The following ADAM28 variants were observed in gnomAD, a reference collection of about 807,000 sequenced individuals.
ADAM28 encodes the protein disintegrin and metalloproteinase domain-containing protein 28.
A neutral mutation model predicts 101.2 loss-of-function variants in ADAM28; 105 were observed. The ratio of observed to expected loss-of-function variants is 1.04; its 90% CI spans 0.89 to 1.22. ADAM28 has a LOEUF of 1.22. ADAM28 is among the 50% of genes most tolerant of loss of function. ADAM28 has a pLI of 0.00. For synonymous variants in ADAM28, 322 were observed against 310.6 expected (o/e 1.04, Z -0.39); for missense variants, 1,028 against 945.4 (o/e 1.09, Z -1.15).
At chr8:24,295,895 G>C (rs555504037) in intron 1 of ADAM28, 1 of 152,270 alleles carries the variant, frequency 6.6e-6, no homozygotes, top group Non-Finnish European at 1.5e-5. Flanking sequence ...CTTCCTGTTT[G>C]TTCTCTGCCC....
chr8:24,325,342 C>T (rs543734643), intron 9 of ADAM28, among the ~76,000 whole-genome samples: 1 of 152,036 alleles, frequency 6.6e-6, no homozygotes, highest in East Asian at 1.9e-4. Context: ...AGTTGTTCTT[C>T]CAGTTATGCA....
At chr8:24,316,858 G>A (rs11994405) in intron 6 of ADAM28, among the ~76,000 whole-genome samples, 27,504 of 151,812 alleles carry the variant, frequency 0.18, 2,657 homozygotes, top group East Asian at 0.34. Flanking sequence ...TAACAAATAA[G>A]TTCAATAAAG....
chr8:24,308,688 C>G, intron 2 of ADAM28: 1 of 456,264 alleles, frequency 2.2e-6, no homozygotes. Context: ...CTCTACTTAT[C>G]TAGGCCCACA....
At chr8:24,343,048 T>G (rs1814977051) in intron 16 of ADAM28, 53 bp from the exon 17 acceptor site, 1 of 1,611,656 alleles carries the variant, frequency 6.2e-7, no homozygotes, top group African/African-American at 1.3e-5. Context: ...ACCTCAACTT[T>G]CTCATCTACG....
At chr8:24,346,328 C>A (rs542383303) in intron 18 of ADAM28, among the ~76,000 whole-genome samples, 2 of 152,118 alleles carry the variant, frequency 1.3e-5, no homozygotes, top group East Asian at 3.9e-4. Flanking sequence ...CCAAATACCC[C>A]ATGAGTATCA....
At chr8:24,296,600 A>G (rs1563257991) in intron 1 of ADAM28, among the ~76,000 whole-genome samples, 1 of 152,216 alleles carries the variant, frequency 6.6e-6, no homozygotes, top group African/African-American at 2.4e-5. Context: ...TGTCTCTCAT[A>G]TTAACGTTGT....
intron 18 of ADAM28, among the ~76,000 whole-genome samples, chr8:24,348,218 TA>T (rs1462942671): frequency 6.6e-6 from 1 of 152,140 alleles, no homozygotes; most frequent in African/African-American, 2.4e-5. Context: ...TTTGCTTTTT[TA>T]AAAAAATAAA....
chr8:24,318,339 A>G (rs1428447580), intron 6 of ADAM28, among the ~76,000 whole-genome samples: 1 of 151,732 alleles, frequency 6.6e-6, no homozygotes, highest in Non-Finnish European at 1.5e-5. Flanking sequence ...TCCTCATTTC[A>G]TTTCTGTCAC....
chr8:24,338,668 G>A (rs1814396207), intron 14 of ADAM28, among the ~76,000 whole-genome samples: 1 of 152,130 alleles, frequency 6.6e-6, no homozygotes, highest in African/African-American at 2.4e-5. Context: ...TATCTTCATA[G>A]GTGTTTATTT....
intron 7 of ADAM28, 23 bp downstream of exon 7, chr8:24,320,330 C>A: frequency 6.7e-7 from 1 of 1,496,700 alleles, no homozygotes; most frequent in Non-Finnish European, 9.2e-7. Flanking sequence ...GATAAATGTG[C>A]TGTCTTCCAA....
At chr8:24,294,230 T>C in intron 1 of ADAM28, 35 bp downstream of exon 1, 1 of 1,609,052 alleles carries the variant, frequency 6.2e-7, no homozygotes. Context: ...TTCTATTGAA[T>C]GCATTAGCGA....
rs370039701 is a variant in ADAM28 at position 24,309,971 on chromosome 8, G to A, written c.227+1G>A. 4 of 1,555,838 alleles carry A rather than the reference G, an allele frequency of 2.6e-6. No individual in the cohort carries two copies. On this transcript the variant is annotated splice_donor_variant, in intron 3 of 22. Coordinates refer to ENST00000265769, the MANE Select transcript of ADAM28 (RefSeq NM_014265.6). LOFTEE classifies it high-confidence loss of function. ...CAGTGCTTTATTTGAAAAAAAACAA[G>A]TAAGTATCTTTACCTGTGATATTAT... is the stretch of plus-strand genomic sequence containing the variant.
intron 10 of ADAM28, among the ~76,000 whole-genome samples, chr8:24,329,042 A>G (rs997780765): frequency 2.0e-5 from 3 of 152,088 alleles, no homozygotes; most frequent in Non-Finnish European, 4.4e-5. Context: ...GAAAGAAACC[A>G]TAAACTGAAA....
chr8:24,331,900 C>T (rs1268787772), intron 12 of ADAM28, among the ~76,000 whole-genome samples: 8 of 152,146 alleles, frequency 5.3e-5, no homozygotes, highest in Non-Finnish European at 1.0e-4. Context: ...CCTCTGCTTC[C>T]ATGTTATTGA....
At position 24,332,733 on chromosome 8, in the gene ADAM28, G is replaced by A. The variant is rs1480239708; in HGVS notation, c.1355G>A (p.Cys452Tyr). 2 of 1,466,000 alleles carry A rather than the reference G, an allele frequency of 1.4e-6. No homozygotes were observed. Among genetic ancestry groups the A allele is most frequent in the African/African-American group, 1.4e-5 (1 of 71,156 alleles). The allele number at this position is 1,466,000 out of a possible 1,614,324, so 90.8% of individuals were successfully genotyped here. ...ACTTTTCAATGTGCATTAGGAGAATGTTGTGAAAAATGCCAAGTAAGATTA... is the reference window on the plus strand; with the variant it reads ...ACTTTTCAATGTGCATTAGGAGAATATTGTGAAAAATGCCAAGTAAGATTA... Reference protein sequence around the residue: ...KATFQCALGECCEKCQFKKAG... With the variant: ...KATFQCALGEYCEKCQFKKAG... Residue 452 changes from cysteine (C) to tyrosine (Y), a missense_variant, in exon 13 of 23, where the codon TGT (cysteine) becomes TAT (tyrosine). Cys to Tyr is a radical substitution (Grantham distance 194, BLOSUM62 -2). Transcript: ENST00000265769.
rs752508170 is a variant in ADAM28 at position 24,356,831 on chromosome 8, C to A, written c.*2427C>A. 3.9e-5 allele frequency: 6 copies of A among 152,116 alleles called. No individual in the cohort carries two copies. The highest frequency in any genetic ancestry group is 6.6e-5 in the Admixed American group (1 of 15,262). The allele number at this position is 152,116 out of a possible 1,614,324, so 9.4% of individuals were successfully genotyped here. On this transcript the variant is annotated 3_prime_UTR_variant, in exon 23 of 23. Transcript: ENST00000265769. ...TACTCTAAGATACCTTAGTGTTTGT[C>A]TACTTATTACAACTCACCAAATTAC...
rs1447907168 is a variant in ADAM28, at chr8:24,354,576, G to C, written c.*172G>C. ...AGAGACTAAAGAAAATTTTCAAGAG[G>C]AACATATGCCTGAGAACCTTTGCAT... is the stretch of plus-strand genomic sequence containing the variant. On this transcript the variant is annotated 3_prime_UTR_variant, in exon 23 of 23. Transcript: ENST00000265769. 1.6e-5 allele frequency: 10 copies of C among 611,022 alleles called. No homozygotes were observed. 37.9% of individuals were successfully genotyped at this position (611,022 alleles called of 1,614,324 possible).
intron 17 of ADAM28, 110 bp from the exon 18 acceptor site, chr8:24,343,396 C>G (rs550281309): frequency 1.2e-5 from 14 of 1,169,366 alleles, no homozygotes; most frequent in East Asian, 7.4e-5. Flanking sequence ...AGATGGAAGC[C>G]TGGAGACTGG....
chr8:24,295,417 C>G (rs1054507966), intron 1 of ADAM28, among the ~76,000 whole-genome samples: 6 of 152,128 alleles, frequency 3.9e-5, no homozygotes, highest in African/African-American at 1.4e-4. Context: ...TCATGCCAGG[C>G]ATTTAACATT....
Sources: gnomAD v4.1 joint callset for allele counts (sites outside exome capture counted in the v4.1 genomes callset) on GRCh38, gnomAD v4.1.1 for gene constraint, MANE v1.5 for transcripts, NCBI Gene and HGNC (gene_info 2026-07-23, HGNC 2026-07-21) for gene names.